DHRS3: variants seen among roughly 807,000 people sequenced by gnomAD.
DHRS3 encodes the protein short-chain dehydrogenase/reductase 3.
A neutral mutation model predicts 27.2 loss-of-function variants in DHRS3; 14 were observed. That is an observed-to-expected ratio of 0.52 (90% CI 0.34 to 0.81). DHRS3 has a LOEUF of 0.81. DHRS3 is among the 30% of genes least tolerant of loss of function. The pLI is 0.01. For missense variants in DHRS3, 322 were observed against 406.2 expected (o/e 0.79, Z 1.78); for synonymous variants, 165 against 175.9 (o/e 0.94, Z 0.49).
rs1205099762 is a variant in DHRS3 at position 12,593,191 on chromosome 1, C to T, written c.196-12525G>A. Among the ~76,000 whole-genome samples, 1 of 152,094 alleles carries T rather than the reference C, an allele frequency of 6.6e-6. No individual in the cohort carries two copies. The stretch of plus-strand genomic sequence containing the variant: ...ACTGGAATCTAGTGTTTACTGGGAT[C>T]GCAGGCCCTTCCTGGTCTGCCCCAT... On this transcript the variant is annotated intron_variant, in intron 1 of 5. Coordinates refer to ENST00000616661, the MANE Select transcript of DHRS3 (RefSeq NM_004753.7). This position sits in a 1 kb window ranked among gnomAD's most constrained non-coding sequence, Gnocchi z 4.6.
At chr1:12,568,480 G>GCCC in intron 5 of DHRS3, 56 bp from the exon 6 acceptor site, 1 of 1,551,658 alleles carries the variant, frequency 6.4e-7, no homozygotes, top group Non-Finnish European at 8.9e-7. Flanking sequence ...GGATCCAGGG[G>GCCC]CTGGGTCGCT....
intron 1 of DHRS3, among the ~76,000 whole-genome samples, chr1:12,604,977 G>A (rs1228302181): frequency 6.6e-6 from 1 of 151,726 alleles, no homozygotes; most frequent in African/African-American, 2.4e-5. Context: ...CCTGGGAGGC[G>A]GAGGCAGGAG....
chr1:12,617,931 G>A lies in DHRS3; in HGVS notation c.-583C>T, dbSNP rs1646957064. Among the ~76,000 whole-genome samples the A allele has an allele frequency of 1.6e-5, 2 of 122,316 alleles. No individual in the cohort carries two copies. The highest frequency in any genetic ancestry group is 6.3e-5 in the African/African-American group (2 of 31,556). 80.2% of individuals were successfully genotyped at this position (122,316 alleles called of 152,430 possible). On this transcript the variant is annotated 5_prime_UTR_variant, in exon 1 of 6. Transcript: ENST00000616661. ...CAATTTCAGCCCGCGAAAGTCTCCC[G>A]ACTCATTGCTATTCTTGGGCTCAGG... is the stretch of plus-strand genomic sequence containing the variant.
chr1:12,612,431 C>A (rs1387860570), intron 1 of DHRS3, among the ~76,000 whole-genome samples: 1 of 152,210 alleles, frequency 6.6e-6, no homozygotes, highest in East Asian at 1.9e-4. Context: ...CTCTTCCCTC[C>A]CGCAATTCCA....
At chr1:12,568,461 A>G (rs1646504439) in intron 5 of DHRS3, 37 bp from the exon 6 acceptor site, 1 of 1,601,958 alleles carries the variant, frequency 6.2e-7, no homozygotes, top group African/African-American at 1.3e-5. Context: ...AGCGATGGTT[A>G]GTGGGGCAGG....
intron 1 of DHRS3, among the ~76,000 whole-genome samples, chr1:12,585,117 CTCTG>C (rs1465124295): frequency 7.0e-6 from 1 of 143,442 alleles, no homozygotes; most frequent in Non-Finnish European, 1.5e-5. Flanking sequence ...GTCTGGGTGT[CTCTG>C]TGTGAGAGAG....
Position 12,592,966 on chromosome 1 carries a change from C to T in DHRS3, c.196-12300G>A, listed in dbSNP as rs752383598. On this transcript the variant is annotated intron_variant, in intron 1 of 5. Coordinates refer to ENST00000616661, the MANE Select transcript of DHRS3 (RefSeq NM_004753.7). This position sits in a 1 kb window ranked among gnomAD's most constrained non-coding sequence, Gnocchi z 4.2. ...TCACCACTTCTCGCCACCTCCACGG[C>T]GCCTTGGGGCCCTGCCTCAGCGCCC... is the stretch of plus-strand genomic sequence containing the variant. 2.3e-4 allele frequency among the ~76,000 whole-genome samples: 35 copies of T among 152,318 alleles called. No homozygotes were observed. The highest frequency in any genetic ancestry group is 7.2e-4 in the Admixed American group (11 of 15,306).
chr1:12,585,958 CA>C (rs1336000612), intron 1 of DHRS3, among the ~76,000 whole-genome samples: 21 of 152,216 alleles, frequency 1.4e-4, no homozygotes, highest in Non-Finnish European at 1.5e-5. Flanking sequence ...TACTCTTAAG[CA>C]GGGTTTATAG....
intron 1 of DHRS3, among the ~76,000 whole-genome samples, chr1:12,602,888 A>G (rs2100711184): frequency 6.6e-6 from 1 of 152,318 alleles, no homozygotes; most frequent in African/African-American, 2.4e-5. Context: ...CTACCGCCCA[A>G]AAGATTTTGG....
chr1:12,589,161 T>G (rs950236304), intron 1 of DHRS3, among the ~76,000 whole-genome samples: 1 of 152,176 alleles, frequency 6.6e-6, no homozygotes, highest in Non-Finnish European at 1.5e-5. Context: ...GGGTGCTAGA[T>G]AGCAGAGGGT....
chr1:12,613,552 G>A (rs1350648823), intron 1 of DHRS3, among the ~76,000 whole-genome samples: 1 of 152,242 alleles, frequency 6.6e-6, no homozygotes, highest in East Asian at 1.9e-4. Context: ...CTAGGGATGG[G>A]AAGGACACAG....
intron 5 of DHRS3, among the ~76,000 whole-genome samples, chr1:12,569,227 TCTCTCA>T (rs1646513177): frequency 1.2e-4 from 16 of 136,024 alleles, no homozygotes; most frequent in Middle Eastern, 3.8e-3. Context: ...CCTCTCTCTC[TCTCTCA>T]CACACACACA....
In DHRS3 at chr1:12,615,179, TAGCTCCAGAAGCCTCATTATAA is replaced by T. The variant is rs1189519812; in HGVS notation, c.195+1953_195+1974del. Reference sequence around the variant, plus strand: ...TAGCTCCAGAAGCCTCATTATAAAGTAGCTCCAGAAGCCTCATTATAAAGTAGCTCCAGTAATTGGTCAGATA... The same window carrying T: ...TAGCTCCAGAAGCCTCATTATAAAGTAGTAGCTCCAGTAATTGGTCAGATA... On this transcript the variant is annotated intron_variant, in intron 1 of 5. Coordinates refer to ENST00000616661, the MANE Select transcript of DHRS3 (RefSeq NM_004753.7). 3.1e-3 allele frequency among the ~76,000 whole-genome samples: 463 copies of T among 151,432 alleles called. 5 individuals carry two copies. The highest frequency in any genetic ancestry group is 0.011 in the African/African-American group (437 of 41,204).
At chr1:12,605,460 G>T (rs1646864153) in intron 1 of DHRS3, among the ~76,000 whole-genome samples, 1 of 152,128 alleles carries the variant, frequency 6.6e-6, no homozygotes. Context: ...TATTAATAGT[G>T]CCATGTATAT....
intron 1 of DHRS3, among the ~76,000 whole-genome samples, chr1:12,613,983 C>T (rs1300033968): frequency 1.3e-5 from 2 of 152,036 alleles, no homozygotes; most frequent in African/African-American, 4.8e-5. Context: ...GTTGGCCAGG[C>T]TGGTCTCGAA....
chr1:12,595,410 G>A (rs1482896796), intron 1 of DHRS3, among the ~76,000 whole-genome samples: 1 of 150,484 alleles, frequency 6.6e-6, no homozygotes, highest in East Asian at 2.0e-4. Flanking sequence ...GCGGGGCGGG[G>A]CCGCGGGGGT....
Position 12,586,569 on chromosome 1 carries a change from G to A in DHRS3, c.196-5903C>T, listed in dbSNP as rs1646698734. Among the ~76,000 whole-genome samples, 1 of 152,218 alleles carries A rather than the reference G, an allele frequency of 6.6e-6. No homozygotes were observed. Among genetic ancestry groups the A allele is most frequent in the South Asian group, 2.1e-4 (1 of 4,834 alleles). ...AGGAACCCACATTCCAGTGGGGGAA[G>A]ACAGAGAAGGAACCAGAAAACAGTC... On this transcript the variant is annotated intron_variant, in intron 1 of 5. Transcript: ENST00000616661. This position sits in a 1 kb window ranked among gnomAD's most constrained non-coding sequence, Gnocchi z 5.0.
chr1:12,605,541 C>T (rs1345559220), intron 1 of DHRS3, among the ~76,000 whole-genome samples: 1 of 152,140 alleles, frequency 6.6e-6, no homozygotes, highest in African/African-American at 2.4e-5. Flanking sequence ...GCTTTTACCA[C>T]AATCATGTAC....
At chr1:12,572,954 CCTGT>C in intron 4 of DHRS3, 101 bp from the exon 5 acceptor site, 2 of 1,420,316 alleles carry the variant, frequency 1.4e-6, no homozygotes, top group South Asian at 3.0e-5. Flanking sequence ...TTTGGCTTTT[CCTGT>C]CTGAGAGATT....
Sources: allele counts gnomAD v4.1 joint callset (sites outside exome capture counted in the v4.1 genomes callset), GRCh38; gene constraint gnomAD v4.1.1; non-coding constraint Gnocchi (gnomAD v3.1); transcripts MANE v1.5; gene names NCBI Gene and HGNC (gene_info 2026-07-23, HGNC 2026-07-21).